The following DPP10 variants were observed in gnomAD, a reference collection of about 807,000 sequenced individuals.
DPP10 encodes inactive dipeptidyl peptidase 10.
In DPP10, 33 loss-of-function variants were observed where a neutral mutation model predicts 120.9. The ratio of observed to expected loss-of-function variants is 0.27; its 90% CI spans 0.21 to 0.37. DPP10 has a LOEUF of 0.37. Among genes scored for constraint, DPP10 ranks in the 10% least tolerant of loss-of-function variants. The probability of loss-of-function intolerance (pLI) is 1.00; values close to 1 mark genes in which losing one functional copy is unlikely to be tolerated. For synonymous variants in DPP10, 337 were observed against 326.1 expected, an observed-to-expected ratio of 1.03 and a Z score of -0.36; for missense variants, 816 against 942.8, an observed-to-expected ratio of 0.87 and a Z score of 1.76.
chr2:115,074,328 A>G (rs1297014573), intron 1 of DPP10, among the ~76,000 whole-genome samples: 1 of 152,132 alleles, frequency 6.6e-6, no homozygotes, highest in Non-Finnish European at 1.5e-5. Flanking sequence ...TTTTTTAAAC[A>G]CACATAGCAA....
At position 114,546,783 on chromosome 2, in the gene DPP10, A is replaced by G. The variant is rs567536623; in HGVS notation, c.60+103945A>G. Among the ~76,000 whole-genome samples the G allele has an allele frequency of 3.2e-4, 49 of 152,364 alleles. 1 individual carries two copies. In the South Asian group the frequency reaches 9.7e-3, roughly 30 times the overall value. Reference sequence around the variant, plus strand: ...AGATTAGAAGTCCAAAAGTCACCAGAAATTATTACCTGGCATAACCTCGTT... The same window carrying G: ...AGATTAGAAGTCCAAAAGTCACCAGGAATTATTACCTGGCATAACCTCGTT... On this transcript the variant is annotated intron_variant, in intron 1 of 25. Transcript: ENST00000410059.
At chr2:115,010,111 A>T (rs1377539393) in intron 1 of DPP10, among the ~76,000 whole-genome samples, 1 of 152,220 alleles carries the variant, frequency 6.6e-6, no homozygotes, top group Non-Finnish European at 1.5e-5. Context: ...CTTAAATATT[A>T]TTGTAGCCAA....
At chr2:115,172,870 G>T (rs980004797) in intron 1 of DPP10, among the ~76,000 whole-genome samples, 1 of 152,158 alleles carries the variant, frequency 6.6e-6, no homozygotes, top group Non-Finnish European at 1.5e-5. Context: ...TTTTGTCATT[G>T]TTTGACATTG....
chr2:115,085,001 G>A (rs568822055), intron 1 of DPP10, among the ~76,000 whole-genome samples: 8 of 152,312 alleles, frequency 5.3e-5, no homozygotes, highest in South Asian at 2.1e-4. Flanking sequence ...TCAGTTTGGT[G>A]CAACATTTAA....
At chr2:115,253,705 G>A (rs1449854180) in intron 1 of DPP10, among the ~76,000 whole-genome samples, 1 of 152,218 alleles carries the variant, frequency 6.6e-6, no homozygotes. Flanking sequence ...AAGGCACACT[G>A]CTGCAAGGGG....
chr2:114,662,118 TCAGTGGGGACC>T lies in DPP10; in HGVS notation c.60+219284_60+219294del, dbSNP rs1697457622. Among the ~76,000 whole-genome samples the T allele has an allele frequency of 2.6e-5, 4 of 151,708 alleles. No individual in the cohort carries two copies. The South Asian group carries it at 8.3e-4, about 32-fold the overall frequency. On this transcript the variant is annotated intron_variant, in intron 1 of 25. Transcript: ENST00000410059. ...GCAGGGCTGGAAAGGCCTCTGCCGC[TCAGTGGGGACC>T]CAGCAAAGCCAAAAATCAGGTCCGG...
intron 1 of DPP10, among the ~76,000 whole-genome samples, chr2:114,753,908 CAAAAAA>C (rs777798352): frequency 5.9e-5 from 2 of 33,764 alleles, no homozygotes; most frequent in Non-Finnish European, 1.3e-4. Context: ...GACTCCTTCT[CAAAAAA>C]AAAAAAAAAA....
At chr2:114,490,401 TC>T (rs147002360) in intron 1 of DPP10, among the ~76,000 whole-genome samples, 4,751 of 152,212 alleles carry the variant, frequency 0.031, 247 homozygotes, top group African/African-American at 0.11. Context: ...TCTACTCCAC[TC>T]TAGCACAGTA....
chr2:114,478,771 A>C (rs1472170417), intron 1 of DPP10, among the ~76,000 whole-genome samples: 2 of 152,132 alleles, frequency 1.3e-5, no homozygotes, highest in African/African-American at 4.8e-5. Context: ...TATTTTTTAT[A>C]CCAACTGTGA....
chr2:115,791,720 A>G (rs976342906), intron 19 of DPP10, among the ~76,000 whole-genome samples: 2 of 152,160 alleles, frequency 1.3e-5, no homozygotes, highest in Non-Finnish European at 2.9e-5. Flanking sequence ...TTATGTTTGT[A>G]TCACTCCTAT....
At chr2:114,443,480 C>T (rs1677772016) in intron 1 of DPP10, among the ~76,000 whole-genome samples, 1 of 152,156 alleles carries the variant, frequency 6.6e-6, no homozygotes, top group African/African-American at 2.4e-5. Context: ...AGGTAAAGAA[C>T]AAACTCACAA....
intron 21 of DPP10, among the ~76,000 whole-genome samples, chr2:115,816,623 T>TG (rs200672989): frequency 0.072 from 10,482 of 145,756 alleles, 485 homozygotes; most frequent in Non-Finnish European, 0.1. Flanking sequence ...TGTTTTGTTT[T>TG]TTTTTTTTTT....
chr2:115,269,754 A>G (rs1333355288), intron 1 of DPP10, among the ~76,000 whole-genome samples: 1 of 152,190 alleles, frequency 6.6e-6, no homozygotes, highest in Non-Finnish European at 1.5e-5. Flanking sequence ...GGTTTGTAGT[A>G]AGTCAGAAAG....
intron 1 of DPP10, among the ~76,000 whole-genome samples, chr2:115,071,597 C>T (rs1225168570): frequency 6.6e-6 from 1 of 151,940 alleles, no homozygotes; most frequent in Non-Finnish European, 1.5e-5. Context: ...TCCTTCCTTG[C>T]CTGAAGGTTA....
chr2:115,336,614 T>TAA (rs1240340783), intron 2 of DPP10, among the ~76,000 whole-genome samples: 2 of 150,662 alleles, frequency 1.3e-5, no homozygotes, highest in African/African-American at 4.9e-5. Context: ...TATATATATA[T>TAA]AATTGTGCCT....
chr2:115,006,970 A>G (rs544685210), intron 1 of DPP10, among the ~76,000 whole-genome samples: 1 of 152,142 alleles, frequency 6.6e-6, no homozygotes, highest in Non-Finnish European at 1.5e-5. Context: ...ACTTGGAAGT[A>G]AAGCTCTCCT....
intron 1 of DPP10, among the ~76,000 whole-genome samples, chr2:114,585,718 G>C (rs949674690): frequency 6.6e-6 from 1 of 152,162 alleles, no homozygotes; most frequent in African/African-American, 2.4e-5. Context: ...CAGCTACACA[G>C]TGTCCCATTA....
chr2:115,027,931 T>A (rs1703579811), intron 1 of DPP10, among the ~76,000 whole-genome samples: 1 of 152,120 alleles, frequency 6.6e-6, no homozygotes, highest in African/African-American at 2.4e-5. Flanking sequence ...CGATTCTTTG[T>A]ATTTCTGTAG....
At chr2:115,112,695 GT>G (rs775106706) in intron 1 of DPP10, among the ~76,000 whole-genome samples, 3 of 152,154 alleles carry the variant, frequency 2.0e-5, no homozygotes, top group Non-Finnish European at 4.4e-5. Flanking sequence ...TAAAATGGTG[GT>G]TACCAGAGGC....
Sources: allele counts gnomAD v4.1 joint callset (sites outside exome capture counted in the v4.1 genomes callset), GRCh38; gene constraint gnomAD v4.1.1; transcripts MANE v1.5; gene names NCBI Gene and HGNC (gene_info 2026-07-23, HGNC 2026-07-21).